NELL2: variants seen among roughly 807,000 people sequenced by gnomAD.
NELL2 encodes the protein neural EGFL like 2.
A neutral mutation model predicts 109.6 loss-of-function variants in NELL2; 41 were observed. The ratio of observed to expected loss-of-function variants is 0.37; its 90% CI spans 0.29 to 0.49. The LOEUF is 0.49. Among genes scored for constraint, NELL2 ranks in the 20% least tolerant of loss-of-function variants. The pLI, the probability that NELL2 is intolerant of heterozygous loss-of-function variation, is 0.98. For missense variants in NELL2, 900 were observed against 1,008.3 expected (o/e 0.89, Z 1.45); for synonymous variants, 355 against 344.7 (o/e 1.03, Z -0.33).
chr12:44,841,936 T>C (rs578044107), intron 2 of NELL2, among the ~76,000 whole-genome samples: 6 of 151,952 alleles, frequency 3.9e-5, no homozygotes, highest in African/African-American at 9.7e-5. Context: ...TCCAGTAAAA[T>C]GGCTGCCTGA....
intron 19 of NELL2, among the ~76,000 whole-genome samples, chr12:44,513,000 A>T (rs949345218): frequency 2.0e-5 from 3 of 152,040 alleles, no homozygotes; most frequent in Admixed American, 1.3e-4. Context: ...TAAATGCTTG[A>T]GGTAAAAAAT....
chr12:44,532,130 G>C (rs1565882313), intron 16 of NELL2, among the ~76,000 whole-genome samples: 1 of 152,048 alleles, frequency 6.6e-6, no homozygotes, highest in Non-Finnish European at 1.5e-5. Context: ...ACTTTGCCAG[G>C]CAAGTGTTAT....
At chr12:44,526,798 T>C (rs1223633846) in intron 16 of NELL2, among the ~76,000 whole-genome samples, 1 of 152,202 alleles carries the variant, frequency 6.6e-6, no homozygotes, top group Non-Finnish European at 1.5e-5. Flanking sequence ...CTGGCTGAAT[T>C]GCACTTCCTC....
intron 9 of NELL2, among the ~76,000 whole-genome samples, chr12:44,742,960 G>T (rs1372954477): frequency 1.3e-5 from 2 of 152,090 alleles, no homozygotes; most frequent in Non-Finnish European, 1.5e-5. Context: ...ACGCCACAAA[G>T]ATACTTCTTG....
chr12:44,721,166 C>T (rs1208722113), intron 9 of NELL2, among the ~76,000 whole-genome samples: 3 of 152,186 alleles, frequency 2.0e-5, no homozygotes, highest in African/African-American at 4.8e-5. Context: ...GCATTTTTGA[C>T]TCTAACTTTA....
intron 2 of NELL2, among the ~76,000 whole-genome samples, chr12:44,867,318 G>A (rs970298137): frequency 2.2e-4 from 34 of 152,094 alleles, no homozygotes; most frequent in African/African-American, 8.2e-4. Context: ...AGGCAAGAAT[G>A]GCTCAACATA....
In NELL2 at chr12:44,523,343, T is replaced by A. The variant is rs372305255; in HGVS notation, c.1946A>T (p.Asn649Ile). ...DCIHDGKVKH[N>I]GQIWVLENDR... Reference sequence around the variant, plus strand: ...ATTTTCCAACACCCAAATCTGACCATTGTGCTTAACTTTTCCATCATGGAT... The same window carrying A: ...ATTTTCCAACACCCAAATCTGACCAATGTGCTTAACTTTTCCATCATGGAT... Residue 649 changes from asparagine (N) to isoleucine (I), a missense_variant, in exon 17 of 20, where the codon AAT becomes ATT. By Grantham distance (149) the Asn-to-Ile change is moderately radical. This residue lies in a region of NELL2 where 333 missense variants were observed against 432.3 expected (regional missense o/e 0.77). Transcript: ENST00000429094. 1.3e-5 allele frequency: 21 copies of A among 1,614,172 alleles called. 1 individual carries two copies. The South Asian group carries it at 2.2e-4, about 17-fold the overall frequency.
intron 3 of NELL2, among the ~76,000 whole-genome samples, chr12:44,803,577 C>T (rs1048400731): frequency 6.6e-6 from 1 of 151,912 alleles, no homozygotes; most frequent in African/African-American, 2.4e-5. Context: ...ATACTTGTAA[C>T]TTTTCTGTAG....
intron 12 of NELL2, among the ~76,000 whole-genome samples, chr12:44,695,900 C>T (rs917036886): frequency 6.6e-6 from 1 of 152,128 alleles, no homozygotes; most frequent in African/African-American, 2.4e-5. Flanking sequence ...GGGGGGATTG[C>T]TTGAGGGCAA....
At chr12:44,565,174 C>T (rs548531302) in intron 15 of NELL2, among the ~76,000 whole-genome samples, 1 of 152,114 alleles carries the variant, frequency 6.6e-6, no homozygotes, top group African/African-American at 2.4e-5. Context: ...TTAGAACATT[C>T]TTCCTCAGAT....
intron 15 of NELL2, among the ~76,000 whole-genome samples, chr12:44,538,917 T>G (rs1942418078): frequency 6.6e-6 from 1 of 152,186 alleles, no homozygotes; most frequent in Admixed American, 6.5e-5. Context: ...TTCTTTCTTC[T>G]TCACAGAGTC....
chr12:44,568,463 T>C (rs1943741523), intron 15 of NELL2, among the ~76,000 whole-genome samples: 1 of 152,158 alleles, frequency 6.6e-6, no homozygotes, highest in African/African-American at 2.4e-5. Flanking sequence ...ATAAAATCCT[T>C]TGAATTTGAC....
intron 15 of NELL2, among the ~76,000 whole-genome samples, chr12:44,582,857 C>T (rs1353230657): frequency 6.6e-6 from 1 of 151,910 alleles, no homozygotes; most frequent in Non-Finnish European, 1.5e-5. Context: ...GAGGATCCTG[C>T]CCTCATGAAT....
At chr12:44,510,160 T>A (rs1940931430) in intron 19 of NELL2, among the ~76,000 whole-genome samples, 1 of 152,222 alleles carries the variant, frequency 6.6e-6, no homozygotes, top group Admixed American at 6.5e-5. Flanking sequence ...ATAATGTTAA[T>A]ATCGTTTTTA....
At chr12:44,534,287 A>G (rs1942207181) in intron 15 of NELL2, among the ~76,000 whole-genome samples, 1 of 152,142 alleles carries the variant, frequency 6.6e-6, no homozygotes, top group South Asian at 2.1e-4. Flanking sequence ...GCAAAATAGT[A>G]TGCAAAGCAT....
intron 13 of NELL2, among the ~76,000 whole-genome samples, chr12:44,653,544 T>A (rs1947379233): frequency 6.6e-6 from 1 of 152,164 alleles, no homozygotes; most frequent in African/African-American, 2.4e-5. Flanking sequence ...TTGCAAATCA[T>A]TTTTTAAATT....
chr12:44,847,689 G>A (rs1161764226), intron 2 of NELL2, among the ~76,000 whole-genome samples: 1 of 151,888 alleles, frequency 6.6e-6, no homozygotes, highest in Non-Finnish European at 1.5e-5. Context: ...GGGTTGTGAA[G>A]AAAATAAGCA....
At chr12:44,576,124 A>G (rs1181840269) in intron 15 of NELL2, among the ~76,000 whole-genome samples, 2 of 151,978 alleles carry the variant, frequency 1.3e-5, no homozygotes, top group African/African-American at 4.8e-5. Flanking sequence ...TCACCAACAA[A>G]TCTTCCGCTT....
At chr12:44,886,945 T>C (rs926906282) in intron 1 of NELL2, among the ~76,000 whole-genome samples, 15 of 152,006 alleles carry the variant, frequency 9.9e-5, no homozygotes, top group Admixed American at 9.8e-4. Context: ...TGATTCTACT[T>C]CACATAATTA....
Sources: gnomAD v4.1 joint callset for allele counts (sites outside exome capture counted in the v4.1 genomes callset) on GRCh38, gnomAD v4.1.1 for gene constraint, gnomAD v4.1.1 regional missense constraint, MANE v1.5 for transcripts, NCBI Gene and HGNC (gene_info 2026-07-23, HGNC 2026-07-21) for gene names.